The following RGPD1 variants were observed in gnomAD, a reference collection of about 807,000 sequenced individuals.
RGPD1 encodes the protein RANBP2 like and GRIP domain containing 1, also known as RANBP2-like and GRIP domain-containing protein 1.
In RGPD1, 7 loss-of-function variants were observed where a neutral mutation model predicts 40.6. That is an observed-to-expected ratio of 0.17 (90% confidence interval 0.10 to 0.32). The LOEUF (loss-of-function observed/expected upper bound fraction) is 0.32. Ranked by LOEUF, RGPD1 falls within the 10% of genes least tolerant of loss-of-function variation. The pLI, the probability that RGPD1 is intolerant of heterozygous loss-of-function variation, is 1.00. For synonymous variants in RGPD1, 24 were observed against 167.0 expected (o/e 0.14, Z 6.60); for missense variants, 50 against 472.5 (o/e 0.11, Z 8.29).
At chr2:86,928,430 C>G (rs964022433) in intron 1 of RGPD1, among the ~76,000 whole-genome samples, 3 of 152,076 alleles carry the variant, frequency 2.0e-5, no homozygotes, top group Non-Finnish European at 4.4e-5. Context: ...CTTGAGTGAC[C>G]TGGGAGCTAA....
At chr2:86,942,108 C>G (rs560423469), upstream of RGPD1, 19 of 1,307,058 alleles carry the variant, frequency 1.5e-5, no homozygotes, top group Admixed American at 4.5e-5. Flanking sequence ...TGACGCAGTA[C>G]ACAAGTGCGT....
At chr2:86,925,792 A>G (rs1459446433) in intron 1 of RGPD1, among the ~76,000 whole-genome samples, 1 of 151,688 alleles carries the variant, frequency 6.6e-6, no homozygotes, top group East Asian at 1.9e-4. Flanking sequence ...CTGGTCTCGA[A>G]CTCCTGGGCT....
intron 1 of RGPD1, among the ~76,000 whole-genome samples, chr2:86,924,390 A>G (rs1678300127): frequency 6.6e-6 from 1 of 150,596 alleles, no homozygotes; most frequent in Non-Finnish European, 1.5e-5. Flanking sequence ...TCCTGGCCTC[A>G]ATAATCCGCC....
At chr2:86,942,339 C>T in intron 1 of RGPD1, 31 bp downstream of exon 1, 7 of 963,196 alleles carry the variant, frequency 7.3e-6, no homozygotes, top group Middle Eastern at 4.0e-4. Flanking sequence ...CCGACGGCCT[C>T]GACCTGGCCG....
intron 1 of RGPD1, among the ~76,000 whole-genome samples, chr2:86,919,398 G>A (rs1303485052): frequency 4.1e-5 from 6 of 147,630 alleles, no homozygotes; most frequent in Non-Finnish European, 8.9e-5. Flanking sequence ...GTCAGGTAGC[G>A]TTCGTCACGC....
At chr2:86,934,704 C>A (rs1679223575) in intron 1 of RGPD1, 3 of 205,650 alleles carry the variant, frequency 1.5e-5, no homozygotes, top group Admixed American at 5.9e-5. Flanking sequence ...AGGTTTCAGC[C>A]AGGCTCTTAA....
In RGPD1 at chr2:87,013,407, A is replaced by T. The variant is rs1351051689; in HGVS notation, c.*860A>T. 2.0e-4 allele frequency: 29 copies of T among 141,844 alleles called. No homozygotes were observed. The East Asian group carries it at 4.9e-3, about 24-fold the overall frequency. 8.8% of individuals were successfully genotyped at this position (141,844 alleles called of 1,614,324 possible). A position where few individuals can be genotyped will look rare whatever the true frequency, so the allele number is the denominator to read the frequency against. On this transcript the variant is annotated 3_prime_UTR_variant, in exon 23 of 23. Coordinates refer to ENST00000641458, the MANE Select transcript of RGPD1 (RefSeq NM_001382344.1). ...CAGAGGCTTGGCCATCATAGAGCTC[A>T]CATTCTAGTGGAATCAGACAGGGGG...
At chr2:86,919,876 A>ACT (rs549141075) in intron 1 of RGPD1, among the ~76,000 whole-genome samples, 1 of 145,606 alleles carries the variant, frequency 6.9e-6, no homozygotes, top group African/African-American at 2.6e-5. Flanking sequence ...TTTGTTTACT[A>ACT]CTCTCTCTCT....
chr2:86,914,250 G>GCGGCGGCCT (rs1318883117), intron 1 of RGPD1, among the ~76,000 whole-genome samples: 19 of 102,616 alleles, frequency 1.9e-4, no homozygotes, highest in African/African-American at 6.9e-4. Flanking sequence ...GGCGGCGGCG[G>GCGGCGGCCT]CGGCGGCCTC....
upstream of RGPD1, among the ~76,000 whole-genome samples, chr2:86,939,519 C>T (rs975567917): frequency 7.1e-6 from 1 of 140,950 alleles, no homozygotes; most frequent in Admixed American, 7.2e-5. Flanking sequence ...GCAGAGGTTG[C>T]AATGAGCCGA....
upstream of RGPD1, among the ~76,000 whole-genome samples, chr2:86,938,650 A>G (rs1573598178): frequency 6.6e-6 from 1 of 151,448 alleles, no homozygotes; most frequent in Non-Finnish European, 1.5e-5. Context: ...TTATTTTGTC[A>G]TGCTTTAAGG....
intron 1 of RGPD1, among the ~76,000 whole-genome samples, chr2:86,944,048 G>C (rs1305297327): frequency 6.6e-6 from 1 of 151,902 alleles, no homozygotes; most frequent in Admixed American, 6.6e-5. Flanking sequence ...GAAACTCAAC[G>C]GATGACCATG....
chr2:86,923,037 T>C (rs1219161749), intron 1 of RGPD1, among the ~76,000 whole-genome samples: 2 of 114,048 alleles, frequency 1.8e-5, no homozygotes, highest in African/African-American at 3.3e-5. Context: ...ATATTCCTTT[T>C]TTTTTTTTTT....
At position 86,931,157 on chromosome 2, in the gene RGPD1, C is replaced by T. The variant is rs537673409; in HGVS notation, c.72+17236C>T. ...GATAATCTCAGCTCCATGATATACT[C>T]GTCAAGCAGTTACTTACATCAATCT... On this transcript the variant is annotated intron_variant, in intron 1 of 22. Coordinates refer to the RGPD1 transcript ENST00000398193. 1.1e-3 allele frequency among the ~76,000 whole-genome samples: 154 copies of T among 141,442 alleles called. 2 individuals carry two copies. The highest frequency in any genetic ancestry group is 3.8e-3 in the African/African-American group (141 of 37,338). The allele number at this position is 141,442 out of a possible 152,430, so 92.8% of individuals were successfully genotyped here. A position where few individuals can be genotyped will look rare whatever the true frequency, so the allele number is the denominator to read the frequency against.
chr2:86,941,657 G>C (rs554190998), upstream of RGPD1, among the ~76,000 whole-genome samples: 523 of 151,588 alleles, frequency 3.5e-3, no homozygotes, highest in Non-Finnish European at 5.4e-3. Flanking sequence ...CATATAGAGA[G>C]GTCTGACTTT....
chr2:86,973,933 CAT>C (rs554091618), intron 9 of RGPD1, 138 bp from the exon 10 acceptor site: 5,038 of 595,800 alleles, frequency 8.5e-3, no homozygotes, highest in African/African-American at 0.083. Context: ...TTTTGCCTAA[CAT>C]AGAATTCCCT....
At chr2:86,957,514 C>CT (rs1452032974) in intron 4 of RGPD1, among the ~76,000 whole-genome samples, 192 bp from the exon 5 acceptor site, 1 of 152,302 alleles carries the variant, frequency 6.6e-6, no homozygotes, top group Non-Finnish European at 1.5e-5. Context: ...CTTTTCTTCA[C>CT]ATACAGTTCT....
At chr2:86,929,689 CTTTTTTTT>C (rs753911867) in intron 1 of RGPD1, among the ~76,000 whole-genome samples, 1 of 52,632 alleles carries the variant, frequency 1.9e-5, no homozygotes, top group African/African-American at 6.7e-5. Context: ...AGCCCACACT[CTTTTTTTT>C]TTTTTTTTTT....
At chr2:86,996,647 G>GC (rs1681783559) in intron 21 of RGPD1, among the ~76,000 whole-genome samples, 2 of 97,000 alleles carry the variant, frequency 2.1e-5, no homozygotes, top group Admixed American at 2.0e-4. Flanking sequence ...TATACTAAAA[G>GC]CTATGGCTTG....
Sources: allele counts gnomAD v4.1 joint callset (sites outside exome capture counted in the v4.1 genomes callset), GRCh38; gene constraint gnomAD v4.1.1; transcripts MANE v1.5; gene names NCBI Gene and HGNC (gene_info 2026-07-23, HGNC 2026-07-21).